Variants in RSPO3 observed in about 807,000 individuals in gnomAD.
RSPO3 encodes R-spondin-3.
Under a neutral mutation model 36.5 loss-of-function variants are expected in RSPO3, and 17 were observed. The observed-to-expected ratio is 0.47, with a 90% CI of 0.32 to 0.70. The LOEUF is 0.70. RSPO3 is among the 30% of genes least tolerant of loss of function. The pLI is 0.04. For missense variants in RSPO3, 294 were observed against 322.5 expected, an observed-to-expected ratio of 0.91 and a Z score of 0.68; for synonymous variants, 108 against 107.0, an observed-to-expected ratio of 1.01 and a Z score of -0.06.
At position 127,198,759 on chromosome 6, in the gene RSPO3, A is replaced by C. The variant is rs757329084; in HGVS notation, c.*2752A>C. Reference sequence around the variant, plus strand: ...GGGTCCCCATTTCTCATGTGCAACAAGAAAGAGGGGAACTGGAGATGATCA... The same window carrying C: ...GGGTCCCCATTTCTCATGTGCAACACGAAAGAGGGGAACTGGAGATGATCA... On this transcript the variant is annotated 3_prime_UTR_variant, in exon 5 of 5. Coordinates refer to ENST00000356698, the MANE Select transcript of RSPO3 (RefSeq NM_032784.5). 6.6e-6 allele frequency among the ~76,000 whole-genome samples: 1 copy of C among 152,198 alleles called. No homozygotes were observed. The highest frequency in any genetic ancestry group is 1.5e-5 in the Non-Finnish European group (1 of 68,042).
chr6:127,153,516 T>C (rs988442345), intron 3 of RSPO3, among the ~76,000 whole-genome samples: 1 of 152,130 alleles, frequency 6.6e-6, no homozygotes, highest in Non-Finnish European at 1.5e-5. Context: ...CCTCCTCCAA[T>C]GAAACTATCT....
chr6:127,144,040 A>C (rs1774330904), intron 1 of RSPO3, among the ~76,000 whole-genome samples: 1 of 152,198 alleles, frequency 6.6e-6, no homozygotes. Flanking sequence ...AGCCTTCTTA[A>C]CAGATAGTGA....
intron 4 of RSPO3, among the ~76,000 whole-genome samples, chr6:127,187,292 C>T (rs983067189): frequency 3.5e-4 from 53 of 152,164 alleles, no homozygotes; most frequent in African/African-American, 1.1e-3. Flanking sequence ...AGTGTTAGGA[C>T]GCCCCACTGA....
At chr6:127,191,505 G>T (rs1220726599) in intron 4 of RSPO3, among the ~76,000 whole-genome samples, 1 of 152,176 alleles carries the variant, frequency 6.6e-6, no homozygotes, top group Non-Finnish European at 1.5e-5. Context: ...TTATGTAAAA[G>T]ACTGTATGTG....
rs909352110 is a variant in RSPO3, at chr6:127,198,635, C to T, written c.*2628C>T. On this transcript the variant is annotated 3_prime_UTR_variant, in exon 5 of 5. Coordinates refer to ENST00000356698, the MANE Select transcript of RSPO3 (RefSeq NM_032784.5). ...CTGATCAAGCTCCTGCCCTGTTCTC[C>T]GAATTCAGCTTCATAATTAAGGGAA... Among the ~76,000 whole-genome samples the T allele has an allele frequency of 2.6e-5, 4 of 152,152 alleles. No individual in the cohort carries two copies. The highest frequency in any genetic ancestry group is 4.4e-5 in the Non-Finnish European group (3 of 68,024).
intron 4 of RSPO3, among the ~76,000 whole-genome samples, chr6:127,190,826 A>ATGTTTT (rs1465768821): frequency 2.0e-5 from 3 of 152,200 alleles, no homozygotes; most frequent in African/African-American, 7.2e-5. Flanking sequence ...AGACCTATAG[A>ATGTTTT]CAGATTTTAT....
Position 127,197,668 on chromosome 6 carries a change from C to T in RSPO3, c.*1661C>T, listed in dbSNP as rs1383045176. 21 of 960,856 alleles carry T rather than the reference C, an allele frequency of 2.2e-5. No individual in the cohort carries two copies. The highest frequency in any genetic ancestry group is 2.7e-5 in the Non-Finnish European group (18 of 669,894). 59.5% of individuals were successfully genotyped at this position (960,856 alleles called of 1,614,324 possible). A position where few individuals can be genotyped will look rare whatever the true frequency, so the allele number is the denominator to read the frequency against. On this transcript the variant is annotated 3_prime_UTR_variant, in exon 5 of 5. Transcript: ENST00000356698. ...TTCTGGCTGCTTATCTCTGGACACC[C>T]GTTCTCCACCAGTTGTACAGTTCAT... is the stretch of plus-strand genomic sequence containing the variant.
chr6:127,164,602 G>A (rs958840347), intron 4 of RSPO3, among the ~76,000 whole-genome samples: 1 of 151,964 alleles, frequency 6.6e-6, no homozygotes, highest in South Asian at 2.1e-4. Context: ...GCATATGAAT[G>A]GTTTCTGGAA....
rs997051627 is a variant in RSPO3, at chr6:127,145,511, T to C, written c.98-3137T>C. Among the ~76,000 whole-genome samples, 6 of 152,172 alleles carry C rather than the reference T, an allele frequency of 3.9e-5. No homozygotes were observed. In the South Asian group the frequency reaches 1.2e-3, roughly 32 times the overall value. On this transcript the variant is annotated intron_variant, in intron 1 of 4. Transcript: ENST00000356698. ...GTTTCTGTAATCTAGATCTATTTTA[T>C]ACTTCCAATCTTCTTGTTATTCCTT...
intron 1 of RSPO3, among the ~76,000 whole-genome samples, chr6:127,146,207 AT>A (rs1359721654): frequency 2.6e-5 from 4 of 152,194 alleles, no homozygotes; most frequent in African/African-American, 9.6e-5. Flanking sequence ...TGATTAAAAC[AT>A]AAAATTTTAT....
At chr6:127,132,621 A>G (rs1440656804) in intron 1 of RSPO3, among the ~76,000 whole-genome samples, 1 of 152,062 alleles carries the variant, frequency 6.6e-6, no homozygotes, top group Non-Finnish European at 1.5e-5. Context: ...ATCTGATGTA[A>G]GCTCTGGTAT....
At position 127,119,063 on chromosome 6, in the gene RSPO3, T is replaced by C. The variant is rs1773778836; in HGVS notation, c.-130T>C. The stretch of plus-strand genomic sequence containing the variant: ...GCCATCACAGCACGCCTATCGGATG[T>C]GAGAGGAGAAGTCCCGCTGCTCGGG... On this transcript the variant is annotated 5_prime_UTR_variant, in exon 1 of 5. It removes the in-frame stop codon of an upstream open reading frame in the 5' UTR. Coordinates refer to ENST00000356698, the MANE Select transcript of RSPO3 (RefSeq NM_032784.5). 1 of 639,420 alleles carries C rather than the reference T, an allele frequency of 1.6e-6. No homozygotes were observed. Among genetic ancestry groups the C allele is most frequent in the African/African-American group, 1.9e-5 (1 of 53,740 alleles). The allele number at this position is 639,420 out of a possible 1,614,324, so 39.6% of individuals were successfully genotyped here.
chr6:127,124,303 A>C (rs1002778486), intron 1 of RSPO3, among the ~76,000 whole-genome samples: 3 of 152,092 alleles, frequency 2.0e-5, no homozygotes, highest in East Asian at 3.9e-4. Context: ...TCCCCACCCC[A>C]AAAAAATTAT....
chr6:127,171,527 T>C (rs1006940255), intron 4 of RSPO3, among the ~76,000 whole-genome samples: 26 of 151,936 alleles, frequency 1.7e-4, no homozygotes, highest in African/African-American at 5.8e-4. Flanking sequence ...ATTATGACTA[T>C]AGTAAAACTA....
intron 1 of RSPO3, among the ~76,000 whole-genome samples, chr6:127,125,500 A>G (rs1254811740): frequency 1.3e-5 from 2 of 152,162 alleles, no homozygotes; most frequent in African/African-American, 4.8e-5. Flanking sequence ...TTGATCAAAA[A>G]CTTAGATCTA....
chr6:127,159,767 G>C (rs766644822), intron 4 of RSPO3, among the ~76,000 whole-genome samples: 11 of 149,720 alleles, frequency 7.3e-5, no homozygotes, highest in Admixed American at 1.4e-4. Flanking sequence ...TCCTGTCTCA[G>C]TCTCCTGAGT....
chr6:127,174,282 T>C (rs577236805), intron 4 of RSPO3, among the ~76,000 whole-genome samples: 92 of 152,040 alleles, frequency 6.1e-4, no homozygotes, highest in African/African-American at 2.0e-3. Flanking sequence ...TAAAACCTAC[T>C]AGCAGTCTAT....
At chr6:127,144,934 T>C (rs1421040682) in intron 1 of RSPO3, among the ~76,000 whole-genome samples, 1 of 152,064 alleles carries the variant, frequency 6.6e-6, no homozygotes, top group Non-Finnish European at 1.5e-5. Context: ...GTAGCTCCCA[T>C]GGCTTTTCTA....
intron 1 of RSPO3, among the ~76,000 whole-genome samples, chr6:127,146,719 A>T (rs1774391459): frequency 6.6e-6 from 1 of 152,132 alleles, no homozygotes; most frequent in Admixed American, 6.6e-5. Context: ...AGAGTCTCTT[A>T]GTGCCCTGAG....
Sources: gnomAD v4.1 joint callset for allele counts (sites outside exome capture counted in the v4.1 genomes callset) on GRCh38, gnomAD v4.1.1 for gene constraint, MANE v1.5 for transcripts, NCBI Gene and HGNC (gene_info 2026-07-23, HGNC 2026-07-21) for gene names.